The following TNRC6B variants were observed in gnomAD, a reference collection of about 807,000 sequenced individuals.
TNRC6B encodes the protein trinucleotide repeat-containing gene 6B protein.
A neutral mutation model predicts 203.6 loss-of-function variants in TNRC6B; 52 were observed. The ratio of observed to expected loss-of-function variants is 0.26; its 90% CI spans 0.20 to 0.32. The LOEUF is 0.32. Ranked by LOEUF, TNRC6B falls within the 10% of genes least tolerant of loss-of-function variation. The pLI, the probability that TNRC6B is intolerant of heterozygous loss-of-function variation, is 1.00. For missense variants in TNRC6B, 1,923 were observed against 2,286.2 expected (o/e 0.84, Z 3.24); for synonymous variants, 838 against 845.7 (o/e 0.99, Z 0.16).
chr22:40,049,057 A>G (rs2067721172), intron 1 of TNRC6B, among the ~76,000 whole-genome samples: 1 of 152,056 alleles, frequency 6.6e-6, no homozygotes, highest in African/African-American at 2.4e-5. Context: ...AAGAGAATAG[A>G]AGGTAACATT....
At chr22:40,290,291 C>T (rs762700495) in intron 12 of TNRC6B, among the ~76,000 whole-genome samples, 2 of 152,164 alleles carry the variant, frequency 1.3e-5, no homozygotes, top group Non-Finnish European at 2.9e-5. Context: ...ACAGCACAGA[C>T]GTAGAACGTG....
chr22:40,290,370 G>A (rs563240099), intron 12 of TNRC6B, among the ~76,000 whole-genome samples: 1 of 152,306 alleles, frequency 6.6e-6, no homozygotes, highest in Admixed American at 6.5e-5. Flanking sequence ...CTCTTTCAGC[G>A]GGAATCCCCT....
intron 3 of TNRC6B, among the ~76,000 whole-genome samples, chr22:40,146,055 A>G (rs2068692980): frequency 6.6e-6 from 1 of 152,208 alleles, no homozygotes; most frequent in African/African-American, 2.4e-5. Context: ...ATGAGAAGAA[A>G]GAGGTCCAAG....
At position 40,207,406 on chromosome 22, in the gene TNRC6B, C is replaced by CAAAAAA. The variant is rs1253967138; in HGVS notation, c.5+29274_5+29279dup. Among the ~76,000 whole-genome samples, 20 of 98,250 alleles carry CAAAAAA rather than the reference C, an allele frequency of 2.0e-4. 1 individual carries two copies. Among genetic ancestry groups the CAAAAAA allele is most frequent in the Admixed American group, 4.9e-4 (4 of 8,244 alleles). The allele number at this position is 98,250 out of a possible 152,430, so 64.5% of individuals were successfully genotyped here. A position where few individuals can be genotyped will look rare whatever the true frequency, so the allele number is the denominator to read the frequency against. ...TGGGCGATGGAGTGAGACCCTGCCTCAAAAAAAAAAAAATATATATATATA... is the reference window on the plus strand; with the variant it reads ...TGGGCGATGGAGTGAGACCCTGCCTCAAAAAAAAAAAAAAAAAAATATATATATATA... On this transcript the variant is annotated intron_variant, in intron 1 of 22. Transcript: ENST00000454349.
chr22:40,106,895 C>CA, intron 1 of TNRC6B: 1 of 966,192 alleles, frequency 1.0e-6, no homozygotes, highest in African/African-American at 1.6e-5. Flanking sequence ...TTCCTTGTGA[C>CA]AGTGCTTCGC....
intron 9 of TNRC6B, among the ~76,000 whole-genome samples, 197 bp from the exon 10 acceptor site, chr22:40,279,798 A>G (rs1339117343): frequency 6.6e-6 from 1 of 152,208 alleles, no homozygotes; most frequent in African/African-American, 2.4e-5. Context: ...TAAATAAATA[A>G]AAAGGACCCA....
intron 17 of TNRC6B, 67 bp from the exon 18 acceptor site, chr22:40,312,437 CA>C (rs1236341069): frequency 1.4e-5 from 20 of 1,475,574 alleles, no homozygotes; most frequent in Admixed American, 6.8e-5. Flanking sequence ...TTTCTTATGT[CA>C]AAAAAAGTAC....
intron 1 of TNRC6B, among the ~76,000 whole-genome samples, chr22:40,091,941 C>T (rs913119909): frequency 2.0e-5 from 3 of 152,130 alleles, no homozygotes; most frequent in Admixed American, 6.6e-5. Flanking sequence ...TTAGTAGTGC[C>T]TCCAGGAACC....
intron 3 of TNRC6B, among the ~76,000 whole-genome samples, chr22:40,138,252 G>T (rs1369651221): frequency 1.3e-5 from 2 of 152,178 alleles, no homozygotes; most frequent in African/African-American, 2.4e-5. Flanking sequence ...GGTATTGGAT[G>T]TAGCTGTTGT....
chr22:40,110,644 A>T (rs1326351808), intron 1 of TNRC6B, among the ~76,000 whole-genome samples: 1 of 152,236 alleles, frequency 6.6e-6, no homozygotes, highest in East Asian at 1.9e-4. Context: ...CTTTCTGGTC[A>T]TTCCTACTTT....
chr22:40,301,630 G>A (rs1472544992), intron 15 of TNRC6B: 4 of 390,210 alleles, frequency 1.0e-5, no homozygotes, highest in South Asian at 3.5e-5. Context: ...ACACAGTAAA[G>A]GCTCATACAT....
intron 3 of TNRC6B, among the ~76,000 whole-genome samples, chr22:40,155,648 T>C (rs1404186412): frequency 6.6e-6 from 1 of 152,166 alleles, no homozygotes; most frequent in Non-Finnish European, 1.5e-5. Flanking sequence ...TGGATAAGAG[T>C]TGCTATTGCT....
intron 9 of TNRC6B, among the ~76,000 whole-genome samples, chr22:40,278,629 C>G (rs1055359882): frequency 2.6e-5 from 4 of 151,896 alleles, no homozygotes; most frequent in Admixed American, 1.3e-4. Flanking sequence ...GAAGAATCAG[C>G]CTTGCATTGC....
Position 40,312,520 on chromosome 22 carries a change from T to A in TNRC6B, c.4451T>A (p.Val1484Glu). The A allele has an allele frequency of 6.2e-7, 1 of 1,610,726 alleles. No homozygotes were observed. Among genetic ancestry groups the A allele is most frequent in the Non-Finnish European group, 8.5e-7 (1 of 1,178,866 alleles). Residue 1484 changes from valine to glutamate, a missense_variant, in exon 18 of 23, where the codon GTG becomes GAG. Transcript: ENST00000454349. ...ASWPPEFQPG[V>E]PWKGIQNIDP... is the part of the protein sequence containing the mutation. ...CTTGTCTCAGAATTCCAACCAGGAG[T>A]GCCATGGAAAGGTATCCAAAACATT...
intron 2 of TNRC6B, among the ~76,000 whole-genome samples, chr22:40,125,322 A>G (rs1568990519): frequency 6.6e-6 from 1 of 152,166 alleles, no homozygotes; most frequent in Non-Finnish European, 1.5e-5. Flanking sequence ...GTTATTCATA[A>G]ATTATAAGCC....
intron 1 of TNRC6B, among the ~76,000 whole-genome samples, chr22:40,183,355 C>T (rs2146383325): frequency 6.6e-6 from 1 of 152,262 alleles, no homozygotes; most frequent in South Asian, 2.1e-4. Context: ...GATCATGAAG[C>T]CTGTACAGTG....
Position 40,335,534 on chromosome 22 carries a change from G to A in TNRC6B, c.*12293G>A, listed in dbSNP as rs1250800710. 2.0e-5 allele frequency: 3 copies of A among 150,938 alleles called. No individual in the cohort carries two copies. Among genetic ancestry groups the A allele is most frequent in the Non-Finnish European group, 4.4e-5 (3 of 67,738 alleles). 9.3% of individuals were successfully genotyped at this position (150,938 alleles called of 1,614,324 possible). A position where few individuals can be genotyped will look rare whatever the true frequency, so the allele number is the denominator to read the frequency against. On this transcript the variant is annotated 3_prime_UTR_variant, in exon 23 of 23. Transcript: ENST00000454349. ...AAAACTAAAGGGTGGTGTTTTATTG[G>A]ATTGTGACAGGTTGAGTAATAAGGA...
intron 1 of TNRC6B, among the ~76,000 whole-genome samples, chr22:40,075,513 T>C (rs2068005431): frequency 6.6e-6 from 1 of 152,136 alleles, no homozygotes; most frequent in African/African-American, 2.4e-5. Context: ...TTCGTGTCTT[T>C]ATTTTTTTAA....
intron 3 of TNRC6B, among the ~76,000 whole-genome samples, chr22:40,258,124 C>G (rs1299872926): frequency 1.2e-5 from 1 of 86,156 alleles, no homozygotes; most frequent in Non-Finnish European, 2.4e-5. Context: ...TTTTATTTCC[C>G]TATAGTACTG....
Sources: gnomAD v4.1 joint callset for allele counts (sites outside exome capture counted in the v4.1 genomes callset) on GRCh38, gnomAD v4.1.1 for gene constraint, MANE v1.5 for transcripts, NCBI Gene and HGNC (gene_info 2026-07-23, HGNC 2026-07-21) for gene names.